RALGAPA1: variants seen among roughly 807,000 people sequenced by gnomAD.
RALGAPA1 encodes the protein ral GTPase-activating protein subunit alpha-1.
Under a neutral mutation model 269.6 loss-of-function variants are expected in RALGAPA1, and 52 were observed. That is an observed-to-expected ratio of 0.19 (90% CI 0.15 to 0.24). The LOEUF is 0.24. Among genes scored for constraint, RALGAPA1 ranks in the 10% least tolerant of loss-of-function variants. The pLI, the probability that RALGAPA1 is intolerant of heterozygous loss-of-function variation, is 1.00. For missense variants in RALGAPA1, 1,917 were observed against 3,013.9 expected (o/e 0.64, Z 8.52); for synonymous variants, 817 against 1,008.3 (o/e 0.81, Z 3.60).
At chr14:35,767,720 A>G (rs1292354784) in intron 4 of RALGAPA1, among the ~76,000 whole-genome samples, 1 of 152,026 alleles carries the variant, frequency 6.6e-6, no homozygotes, top group Non-Finnish European at 1.5e-5. Context: ...AAACCTAGAA[A>G]CAGAAGAGTA....
chr14:35,635,163 C>A (rs1361459539), intron 32 of RALGAPA1, among the ~76,000 whole-genome samples: 1 of 143,176 alleles, frequency 7.0e-6, no homozygotes, highest in African/African-American at 2.9e-5. Flanking sequence ...AAGAGTGAAA[C>A]TCCGTTTCAA....
intron 4 of RALGAPA1, chr14:35,766,427 G>T: frequency 6.3e-7 from 1 of 1,574,984 alleles, no homozygotes; most frequent in Non-Finnish European, 8.7e-7. Context: ...AGTCTCTTTG[G>T]TCCAAAGCTG....
chr14:35,674,861 C>A, intron 22 of RALGAPA1, 152 bp from the exon 23 acceptor site: 1 of 525,376 alleles, frequency 1.9e-6, no homozygotes. Context: ...AAGGTCAAAA[C>A]CTCACTTATT....
rs1030966488 is a variant in RALGAPA1, at chr14:35,766,845, C to T, written c.326-4092G>A. ...GAATTCATCAAAGAAGACCACAGAA[C>T]AGGAAGTGCCCAGGATGATATTTTT... On this transcript the variant is annotated intron_variant, in intron 4 of 41. Transcript: ENST00000680220. 7 of 466,840 alleles carry T rather than the reference C, an allele frequency of 1.5e-5. No individual in the cohort carries two copies. The Admixed American group carries it at 1.5e-4, about 10-fold the overall frequency. 28.9% of individuals were successfully genotyped at this position (466,840 alleles called of 1,614,324 possible).
intron 37 of RALGAPA1, among the ~76,000 whole-genome samples, chr14:35,577,289 A>T (rs938341457): frequency 2.0e-5 from 3 of 150,182 alleles, no homozygotes; most frequent in African/African-American, 7.3e-5. Context: ...CCAAATTCAT[A>T]TTGTGAAATC....
intron 39 of RALGAPA1, among the ~76,000 whole-genome samples, chr14:35,563,001 A>G (rs999404282): frequency 5.1e-5 from 7 of 137,634 alleles, no homozygotes; most frequent in Non-Finnish European, 1.1e-4. Flanking sequence ...AGCCTGGGCA[A>G]CAGAGCGAGA....
intron 20 of RALGAPA1, among the ~76,000 whole-genome samples, 193 bp downstream of exon 20, chr14:35,684,736 G>A (rs899785531): frequency 5.3e-5 from 8 of 152,094 alleles, no homozygotes; most frequent in African/African-American, 1.9e-4. Flanking sequence ...CAGGAGGACT[G>A]CTTCAGGCCA....
chr14:35,745,609 C>G (rs1345048212), intron 10 of RALGAPA1, among the ~76,000 whole-genome samples: 1 of 151,292 alleles, frequency 6.6e-6, no homozygotes, highest in African/African-American at 2.4e-5. Context: ...ACCAAAAATA[C>G]AAAAATTAGC....
intron 3 of RALGAPA1, 140 bp downstream of exon 3, chr14:35,774,866 T>C: frequency 1.5e-6 from 1 of 646,674 alleles, no homozygotes; most frequent in Non-Finnish European, 2.7e-6. Context: ...CAGGCATATT[T>C]AAAAAATTTA....
chr14:35,652,269 C>T (rs898270030), intron 30 of RALGAPA1, among the ~76,000 whole-genome samples: 3 of 151,986 alleles, frequency 2.0e-5, no homozygotes, highest in Admixed American at 2.0e-4. Context: ...ACTTTGGGAG[C>T]TTGGGCGACA....
intron 39 of RALGAPA1, among the ~76,000 whole-genome samples, chr14:35,564,120 T>C (rs1246923627): frequency 6.6e-6 from 1 of 152,168 alleles, no homozygotes; most frequent in African/African-American, 2.4e-5. Context: ...TACCATTTTC[T>C]GAACTCTTGC....
intron 6 of RALGAPA1, among the ~76,000 whole-genome samples, chr14:35,758,883 G>A (rs1227348853): frequency 6.6e-6 from 1 of 152,190 alleles, no homozygotes; most frequent in African/African-American, 2.4e-5. Flanking sequence ...GGAGGTTAAG[G>A]TGGGAGGACT....
intron 37 of RALGAPA1, among the ~76,000 whole-genome samples, chr14:35,577,614 T>G (rs1177601495): frequency 6.6e-6 from 1 of 152,200 alleles, no homozygotes; most frequent in Non-Finnish European, 1.5e-5. Flanking sequence ...CTGAATGGAC[T>G]AAGACATTCA....
At chr14:35,696,287 G>A (rs1461451444) in intron 17 of RALGAPA1, among the ~76,000 whole-genome samples, 2 of 152,110 alleles carry the variant, frequency 1.3e-5, no homozygotes, top group Non-Finnish European at 2.9e-5. Context: ...GGTGGCACGT[G>A]CCTATGATCC....
intron 16 of RALGAPA1, among the ~76,000 whole-genome samples, chr14:35,714,688 C>T (rs895431875): frequency 6.6e-6 from 1 of 152,202 alleles, no homozygotes; most frequent in African/African-American, 2.4e-5. Flanking sequence ...TTTACCTACA[C>T]ATTTACGACT....
chr14:35,587,674 A>C (rs1449364059), intron 37 of RALGAPA1, among the ~76,000 whole-genome samples: 1 of 145,398 alleles, frequency 6.9e-6, no homozygotes, highest in Admixed American at 7.0e-5. Context: ...AACAATGAGA[A>C]CCTTGGACAC....
chr14:35,649,919 C>T (rs1039295669), intron 31 of RALGAPA1, among the ~76,000 whole-genome samples: 1 of 151,984 alleles, frequency 6.6e-6, no homozygotes, highest in African/African-American at 2.4e-5. Flanking sequence ...GGCAAGAAAA[C>T]AAAAACTTAG....
chr14:35,643,131 A>G (rs1199218259), intron 31 of RALGAPA1, among the ~76,000 whole-genome samples: 4 of 151,200 alleles, frequency 2.6e-5, no homozygotes, highest in African/African-American at 9.7e-5. Flanking sequence ...GAATTGAACA[A>G]TGAGAACACT....
At chr14:35,565,607 G>A (rs1023477021) in intron 39 of RALGAPA1, among the ~76,000 whole-genome samples, 28 of 151,904 alleles carry the variant, frequency 1.8e-4, no homozygotes, top group African/African-American at 5.3e-4. Context: ...ACTTGCCAGC[G>A]CCCACAACTA....
Sources: gnomAD v4.1 joint callset for allele counts (sites outside exome capture counted in the v4.1 genomes callset) on GRCh38, gnomAD v4.1.1 for gene constraint, MANE v1.5 for transcripts, NCBI Gene and HGNC (gene_info 2026-07-23, HGNC 2026-07-21) for gene names.